RBM25: variants seen among roughly 807,000 people sequenced by gnomAD.
RBM25 encodes the protein RNA-binding protein 25.
Under a neutral mutation model 120.7 loss-of-function variants are expected in RBM25, and 19 were observed. The ratio of observed to expected loss-of-function variants is 0.16; its 90% confidence interval spans 0.11 to 0.23. The LOEUF (loss-of-function observed/expected upper bound fraction) is 0.23, where lower values mean the gene tolerates loss of function less well. Among genes scored for constraint, RBM25 ranks in the 10% least tolerant of loss-of-function variants. RBM25 has a pLI of 1.00. For missense variants in RBM25, 605 were observed against 1,041.5 expected (o/e 0.58, Z 5.77); for synonymous variants, 390 against 326.7 (o/e 1.19, Z -2.09).
intron 1 of RBM25, among the ~76,000 whole-genome samples, chr14:73,063,588 T>G (rs1156793253): frequency 1.3e-5 from 2 of 151,508 alleles, no homozygotes; most frequent in African/African-American, 4.8e-5. Flanking sequence ...TCCCACATAT[T>G]ATACAATCCC....
intron 6 of RBM25, among the ~76,000 whole-genome samples, chr14:73,092,589 TTTAA>T (rs1446818414): frequency 6.6e-6 from 1 of 151,932 alleles, no homozygotes; most frequent in African/African-American, 2.4e-5. Context: ...TTTTTTTTTT[TTTAA>T]TTAAGTTTTA....
chr14:73,119,873 T>A lies in RBM25; in HGVS notation c.*68T>A, dbSNP rs977222175. ...CACCCTTTTAAGGACTTTGAATTTT[T>A]CTTTGTCTTTGAAGACATTGTGAGA... On this transcript the variant is annotated 3_prime_UTR_variant, in exon 19 of 19. Coordinates refer to ENST00000261973, the MANE Select transcript of RBM25 (RefSeq NM_021239.3). 4 of 1,544,478 alleles carry A rather than the reference T, an allele frequency of 2.6e-6. No individual in the cohort carries two copies. In the African/African-American group the frequency reaches 5.6e-5, roughly 22 times the overall value.
At chr14:73,112,916 G>A (rs1015766956) in intron 17 of RBM25, among the ~76,000 whole-genome samples, 1 of 151,912 alleles carries the variant, frequency 6.6e-6, no homozygotes, top group African/African-American at 2.4e-5. Context: ...TGATCTTCCT[G>A]CCTTAGTATC....
chr14:73,070,001 G>A (rs946522189), intron 1 of RBM25: 3 of 151,622 alleles, frequency 2.0e-5, no homozygotes, highest in Non-Finnish European at 4.4e-5. Flanking sequence ...ACATTAAATG[G>A]CAATACTTAA....
chr14:73,104,347 A>G (rs1257535350), intron 10 of RBM25, among the ~76,000 whole-genome samples: 1 of 150,804 alleles, frequency 6.6e-6, no homozygotes, highest in East Asian at 1.9e-4. Context: ...TTTATTTTTT[A>G]TTTAAAATTT....
intron 6 of RBM25, among the ~76,000 whole-genome samples, chr14:73,089,250 A>G (rs1895756238): frequency 6.6e-6 from 1 of 152,244 alleles, no homozygotes; most frequent in African/African-American, 2.4e-5. Flanking sequence ...AGCAAAGTAT[A>G]AATAATCAAT....
Position 73,071,628 on chromosome 14 carries a change from C to T in RBM25, c.-14C>T, listed in dbSNP as rs373496761. The stretch of plus-strand genomic sequence containing the variant: ...TTTGTCATGTCCTTTTTTCTTTAGA[C>T]TGCTGCAGTAAGAATGTCTTTTCCA... On this transcript the variant is annotated splice_region_variant and 5_prime_UTR_variant, in exon 2 of 19. Coordinates refer to ENST00000261973, the MANE Select transcript of RBM25 (RefSeq NM_021239.3). 4.4e-6 allele frequency: 7 copies of T among 1,584,062 alleles called. No individual in the cohort carries two copies. The highest frequency in any genetic ancestry group is 1.1e-5 in the South Asian group (1 of 90,184).
rs1594904135 is a variant in RBM25 at position 73,077,358 on chromosome 14, C to T, written c.157-11C>T. On this transcript the variant is annotated splice_polypyrimidine_tract_variant and intron_variant, in intron 3 of 18. Coordinates refer to ENST00000261973, the MANE Select transcript of RBM25 (RefSeq NM_021239.3). Reference sequence around the variant, plus strand: ...TGCTGGATCAATTTTTATTTTGTTTCTTCACCTTAGGTCTTAGTACCCACT... The same window carrying T: ...TGCTGGATCAATTTTTATTTTGTTTTTTCACCTTAGGTCTTAGTACCCACT... 2 of 1,574,058 alleles carry T rather than the reference C, an allele frequency of 1.3e-6. No individual in the cohort carries two copies. Among genetic ancestry groups the T allele is most frequent in the Middle Eastern group, 1.7e-4 (1 of 5,882 alleles).
intron 3 of RBM25, 64 bp downstream of exon 3, chr14:73,076,432 C>T (rs1895424916): frequency 2.2e-6 from 3 of 1,389,726 alleles, no homozygotes; most frequent in Non-Finnish European, 2.0e-6. Flanking sequence ...AGCTGAACAG[C>T]ATGATAAACT....
At position 73,103,493 on chromosome 14, in the gene RBM25, A is replaced by G; in HGVS notation, c.1154+15A>G. ...AGTCGATCAAGGTAAGGCTTTACAG[A>G]AGTTACTGTTTCCTGATAGCTTTAA... On this transcript the variant is annotated intron_variant, in intron 10 of 18. Coordinates refer to ENST00000261973, the MANE Select transcript of RBM25 (RefSeq NM_021239.3). 2 of 1,552,934 alleles carry G rather than the reference A, an allele frequency of 1.3e-6. No individual in the cohort carries two copies. The highest frequency in any genetic ancestry group is 1.7e-6 in the Non-Finnish European group (2 of 1,152,842).
At chr14:73,103,980 A>ACT (rs1896122440) in intron 10 of RBM25, among the ~76,000 whole-genome samples, 1 of 136,658 alleles carries the variant, frequency 7.3e-6, no homozygotes, top group South Asian at 2.3e-4. Context: ...ACACACACAC[A>ACT]CACACACACA....
chr14:73,103,787 C>T (rs569236723), intron 10 of RBM25, among the ~76,000 whole-genome samples: 1 of 152,072 alleles, frequency 6.6e-6, no homozygotes, highest in Non-Finnish European at 1.5e-5. Context: ...CTCCTGGCCT[C>T]AAGTGATCCG....
At chr14:73,058,886 G>C (rs982195958) in intron 1 of RBM25, 181 bp downstream of exon 1, 2 of 152,340 alleles carry the variant, frequency 1.3e-5, no homozygotes, top group Non-Finnish European at 2.9e-5. Context: ...TCTAAGGCCT[G>C]GAAAAGCTGT....
intron 9 of RBM25, 121 bp downstream of exon 9, chr14:73,099,871 T>C (rs1896024095): frequency 2.3e-6 from 3 of 1,331,888 alleles, no homozygotes; most frequent in Non-Finnish European, 2.9e-6. Flanking sequence ...ATAGGTTTAA[T>C]TGATATTTAG....
intron 1 of RBM25, among the ~76,000 whole-genome samples, chr14:73,067,200 G>A (rs1403359120): frequency 6.6e-6 from 1 of 150,994 alleles, no homozygotes; most frequent in Non-Finnish European, 1.5e-5. Context: ...CTCCTGAGTA[G>A]CTGGGACTAC....
At position 73,106,265 on chromosome 14, in the gene RBM25, G is replaced by C. The variant is rs762098501; in HGVS notation, c.1447G>C (p.Glu483Gln). The part of the protein sequence containing the change: ...REYEKEAERE[E>Q]ERRREMAKEA... ...ATATGAGAAAGAAGCTGAAAGAGAA[G>C]AAGAAAGAAGAAGAGAAATGGTAAG... The change falls in exon 12 of 19, where the codon GAA (glutamate) becomes CAA (glutamine). Residue 483 changes from glutamate (E) to glutamine (Q), a missense_variant. Coordinates refer to ENST00000261973, the MANE Select transcript of RBM25 (RefSeq NM_021239.3). The C allele has an allele frequency of 6.3e-7, 1 of 1,593,786 alleles. No individual in the cohort carries two copies. The highest frequency in any genetic ancestry group is 1.2e-5 in the South Asian group (1 of 86,202).
intron 9 of RBM25, 171 bp downstream of exon 9, chr14:73,099,921 G>C (rs1309189168): frequency 9.5e-7 from 1 of 1,049,690 alleles, no homozygotes. Context: ...ATATTAAAGT[G>C]GTCCTTGACA....
At chr14:73,091,516 C>A (rs1895813182) in intron 6 of RBM25, among the ~76,000 whole-genome samples, 1 of 152,152 alleles carries the variant, frequency 6.6e-6, no homozygotes, top group South Asian at 2.1e-4. Context: ...GTCCAGCTTA[C>A]ATTTTTTGTA....
At chr14:73,095,982 T>G (rs1179770725) in intron 6 of RBM25, among the ~76,000 whole-genome samples, 1 of 152,128 alleles carries the variant, frequency 6.6e-6, no homozygotes, top group Non-Finnish European at 1.5e-5. Flanking sequence ...TAGAAAATAA[T>G]AATTATTATT....
Sources: gnomAD v4.1 joint callset for allele counts (sites outside exome capture counted in the v4.1 genomes callset) on GRCh38, gnomAD v4.1.1 for gene constraint, MANE v1.5 for transcripts, NCBI Gene and HGNC (gene_info 2026-07-23, HGNC 2026-07-21) for gene names.